DPF3: variants seen among roughly 807,000 people sequenced by gnomAD.
DPF3 encodes double PHD fingers 3, also known as zinc finger protein DPF3.
In DPF3, 18 loss-of-function variants were observed where a neutral mutation model predicts 56.8. That is an observed-to-expected ratio of 0.32 (90% confidence interval 0.22 to 0.47). The LOEUF (loss-of-function observed/expected upper bound fraction) is 0.47. DPF3 is among the 20% of genes least tolerant of loss of function. The pLI, the probability that DPF3 is intolerant of heterozygous loss-of-function variation, is 1.00. For synonymous variants in DPF3, 188 were observed against 180.2 expected (o/e 1.04, Z -0.35); for missense variants, 403 against 488.8 (o/e 0.82, Z 1.65).
At chr14:72,654,395 T>G (rs971053683) in intron 8 of DPF3, among the ~76,000 whole-genome samples, 1 of 152,210 alleles carries the variant, frequency 6.6e-6, no homozygotes, top group Non-Finnish European at 1.5e-5. Flanking sequence ...GTCCCTTTCC[T>G]GAGCCTAACT....
chr14:72,766,486 C>G (rs777847118), intron 2 of DPF3, among the ~76,000 whole-genome samples: 1 of 152,208 alleles, frequency 6.6e-6, no homozygotes, highest in Non-Finnish European at 1.5e-5. Flanking sequence ...AAGTATCACT[C>G]TGTAGCCTGG....
At chr14:72,731,583 G>T in intron 4 of DPF3, 1 of 556,556 alleles carries the variant, frequency 1.8e-6, no homozygotes, top group South Asian at 2.0e-5. Context: ...TAGACAGACA[G>T]AAGAGAGGGA....
At chr14:72,857,889 C>T (rs1172307845) in intron 1 of DPF3, among the ~76,000 whole-genome samples, 1 of 152,118 alleles carries the variant, frequency 6.6e-6, no homozygotes, top group Non-Finnish European at 1.5e-5. Flanking sequence ...GCCTGGCCTG[C>T]AAGGAGTTCG....
chr14:72,704,715 A>C (rs541292442), intron 6 of DPF3, among the ~76,000 whole-genome samples: 1 of 152,222 alleles, frequency 6.6e-6, no homozygotes, highest in East Asian at 1.9e-4. Context: ...TATTCCAGTT[A>C]AGCTACCCCT....
chr14:72,871,972 T>C (rs1282480939), intron 1 of DPF3, among the ~76,000 whole-genome samples: 2 of 152,248 alleles, frequency 1.3e-5, no homozygotes, highest in Admixed American at 6.5e-5. Flanking sequence ...CAGCAAACTT[T>C]TGCCAGGGCA....
At chr14:72,836,442 C>T (rs372032273) in intron 1 of DPF3, 2 of 985,594 alleles carry the variant, frequency 2.0e-6, no homozygotes, top group South Asian at 4.7e-5. Flanking sequence ...CTCCATGCCT[C>T]CCTGCTCCTG....
At chr14:72,669,903 A>G (rs1886593839) in intron 8 of DPF3, 2 of 986,012 alleles carry the variant, frequency 2.0e-6, no homozygotes, top group Non-Finnish European at 2.4e-6. Context: ...ACTAAAAAAT[A>G]GATATGATGG....
At chr14:72,712,394 A>C (rs920495994) in intron 6 of DPF3, among the ~76,000 whole-genome samples, 2 of 152,148 alleles carry the variant, frequency 1.3e-5, no homozygotes, top group African/African-American at 4.8e-5. Flanking sequence ...AGTCAGAGGC[A>C]AAGGTGGGAG....
intron 8 of DPF3, chr14:72,662,963 A>G: frequency 1.6e-6 from 1 of 638,004 alleles, no homozygotes; most frequent in South Asian, 7.0e-5. Flanking sequence ...AGAAGAAAGA[A>G]AGAAAACCAC....
intron 1 of DPF3, among the ~76,000 whole-genome samples, chr14:72,782,141 A>G (rs1279683920): frequency 1.3e-5 from 2 of 152,012 alleles, no homozygotes; most frequent in Non-Finnish European, 2.9e-5. Context: ...TGCCCTCCCC[A>G]GTAAAGGGAA....
intron 2 of DPF3, among the ~76,000 whole-genome samples, chr14:72,769,111 A>T (rs190452068): frequency 1.2e-4 from 18 of 152,306 alleles, no homozygotes; most frequent in African/African-American, 3.8e-4. Flanking sequence ...ATAATTTCAT[A>T]ATGTATTTTC....
rs1890931806 is a variant in DPF3, at chr14:72,758,482, G to A, written c.194-5111C>T. On this transcript the variant is annotated intron_variant, in intron 2 of 10. Transcript: ENST00000556509. ...TGACTAGAACCCAAGGAACTGAAGG[G>A]TAAACAAAAGAGAGCTGCACAGAGA... Among the ~76,000 whole-genome samples the A allele has an allele frequency of 3.3e-5, 5 of 152,294 alleles. No homozygotes were observed. The South Asian group carries it at 1.0e-3, about 32-fold the overall frequency.
rs540982780 is a variant in DPF3 at position 72,626,952 on chromosome 14, G to A, written c.984+2672C>T. Among the ~76,000 whole-genome samples the A allele has an allele frequency of 3.3e-3, 505 of 151,288 alleles. 1 individual carries two copies. The highest frequency in any genetic ancestry group is 5.7e-3 in the Non-Finnish European group (388 of 67,712). ...TTTTTTTTTTTTTGCATCTTTAAGG[G>A]TCATTTTTATATCTTTTGTGGGTTG... On this transcript the variant is annotated intron_variant, in intron 9 of 10. Coordinates refer to ENST00000556509, the MANE Select transcript of DPF3 (RefSeq NM_001280542.3).
chr14:72,684,982 G>A (rs1887345064), intron 7 of DPF3, among the ~76,000 whole-genome samples: 1 of 152,152 alleles, frequency 6.6e-6, no homozygotes, highest in South Asian at 2.1e-4. Flanking sequence ...CAATGAGAAA[G>A]CAGCTATCTG....
intron 1 of DPF3, among the ~76,000 whole-genome samples, chr14:72,803,818 C>T (rs543061507): frequency 9.8e-5 from 15 of 152,298 alleles, no homozygotes; most frequent in East Asian, 3.9e-4. Flanking sequence ...AGCTTTGTAA[C>T]GCAAAAGGCT....
At chr14:72,883,448 G>A (rs77848731) in intron 1 of DPF3, among the ~76,000 whole-genome samples, 2,920 of 151,852 alleles carry the variant, frequency 0.019, 40 homozygotes, top group Non-Finnish European at 0.028. Flanking sequence ...CAGAGTGATC[G>A]CACTACTGCA....
chr14:72,803,171 G>A (rs1395373845), intron 1 of DPF3, among the ~76,000 whole-genome samples: 2 of 152,198 alleles, frequency 1.3e-5, no homozygotes, highest in Non-Finnish European at 2.9e-5. Flanking sequence ...TCCTAAGTTT[G>A]TGTCCATAGA....
rs1358901465 is a variant in DPF3, at chr14:72,610,258, G to A, written c.*9039C>T. ...TCCAGGGTCTCTGACTCAACTAGAG[G>A]GCATCCAAGGCCTGGTGGAGCCTGT... On this transcript the variant is annotated 3_prime_UTR_variant, in exon 11 of 11. Coordinates refer to ENST00000556509, the MANE Select transcript of DPF3 (RefSeq NM_001280542.3). 6.6e-6 allele frequency among the ~76,000 whole-genome samples: 1 copy of A among 152,162 alleles called. No homozygotes were observed. Among genetic ancestry groups the A allele is most frequent in the Non-Finnish European group, 1.5e-5 (1 of 68,024 alleles).
chr14:72,769,535 C>T (rs1326219420), intron 2 of DPF3, among the ~76,000 whole-genome samples: 6 of 152,044 alleles, frequency 3.9e-5, no homozygotes, highest in Non-Finnish European at 8.8e-5. Context: ...CAAAAATTAG[C>T]TGGGTGTGGT....
Sources: allele counts gnomAD v4.1 joint callset (sites outside exome capture counted in the v4.1 genomes callset), GRCh38; gene constraint gnomAD v4.1.1; transcripts MANE v1.5; gene names NCBI Gene and HGNC (gene_info 2026-07-23, HGNC 2026-07-21).